Variants in PXDNL observed in about 807,000 individuals in gnomAD.
PXDNL encodes probable oxidoreductase PXDNL.
PXDNL carries 145 observed loss-of-function variants against 150.8 expected under a neutral mutation model. That is an observed-to-expected ratio of 0.96 (90% confidence interval 0.84 to 1.10). The LOEUF is 1.10. PXDNL is among the 50% of genes least tolerant of loss of function. PXDNL has a pLI of 0.00. For missense variants in PXDNL, 2,087 were observed against 1,873.9 expected, an observed-to-expected ratio of 1.11 and a Z score of -2.10; for synonymous variants, 757 against 725.7, an observed-to-expected ratio of 1.04 and a Z score of -0.69.
At chr8:51,391,490 A>C (rs1055740707) in intron 17 of PXDNL, among the ~76,000 whole-genome samples, 67 of 152,226 alleles carry the variant, frequency 4.4e-4, no homozygotes, top group African/African-American at 1.5e-3. Context: ...CTCTGATGGC[A>C]AGTGATGGTG....
chr8:51,380,910 T>A (rs1172433944), intron 17 of PXDNL, among the ~76,000 whole-genome samples: 1 of 152,188 alleles, frequency 6.6e-6, no homozygotes, highest in African/African-American at 2.4e-5. Context: ...TTCTTTTTAA[T>A]CGGCTTATGT....
intron 19 of PXDNL, among the ~76,000 whole-genome samples, chr8:51,366,373 G>A (rs561414858): frequency 5.3e-5 from 8 of 152,274 alleles, no homozygotes; most frequent in East Asian, 3.9e-4. Context: ...TCTGTTTTCC[G>A]TACATTGCTT....
Position 51,436,007 on chromosome 8 carries a change from C to G in PXDNL, c.1526-9249G>C, listed in dbSNP as rs149244168. The G allele has an allele frequency of 3.6e-3, 1,892 of 527,956 alleles. 33 individuals are homozygous for G. The highest frequency in any genetic ancestry group is 0.021 in the South Asian group (1,477 of 71,040). 32.7% of individuals were successfully genotyped at this position (527,956 alleles called of 1,614,324 possible). A position where few individuals can be genotyped will look rare whatever the true frequency, so the allele number is the denominator to read the frequency against. ...CTCTTTATGTAGCTTTCAAATTCAC[C>G]TCATGGACCATCTGCTAAATTCCTT... On this transcript the variant is annotated intron_variant, in intron 12 of 22. Coordinates refer to ENST00000356297, the MANE Select transcript of PXDNL (RefSeq NM_144651.5).
At chr8:51,673,248 A>G (rs55927765) in intron 1 of PXDNL, among the ~76,000 whole-genome samples, 8,505 of 152,270 alleles carry the variant, frequency 0.056, 310 homozygotes, top group Middle Eastern at 0.085. Flanking sequence ...ATCAAGCCAG[A>G]GTTCAATTAC....
At chr8:51,578,603 T>C (rs1055710541) in intron 3 of PXDNL, among the ~76,000 whole-genome samples, 3 of 151,978 alleles carry the variant, frequency 2.0e-5, no homozygotes, top group Non-Finnish European at 4.4e-5. Flanking sequence ...AAGACTTTTG[T>C]ACATGTAGAC....
At chr8:51,472,586 T>TTC (rs1190307647) in intron 7 of PXDNL, among the ~76,000 whole-genome samples, 17 of 152,270 alleles carry the variant, frequency 1.1e-4, no homozygotes, top group African/African-American at 4.1e-4. Flanking sequence ...ACAACCATAT[T>TTC]TATGGAAGGA....
At chr8:51,564,316 G>C (rs1203109610) in intron 3 of PXDNL, among the ~76,000 whole-genome samples, 1 of 151,820 alleles carries the variant, frequency 6.6e-6, no homozygotes, top group Non-Finnish European at 1.5e-5. Context: ...ACTATTTGTG[G>C]GTTAGAAAAA....
At chr8:51,604,852 CAG>C (rs1311474799) in intron 2 of PXDNL, among the ~76,000 whole-genome samples, 1 of 152,024 alleles carries the variant, frequency 6.6e-6, no homozygotes, top group African/African-American at 2.4e-5. Flanking sequence ...AATATCTCGT[CAG>C]AGTTTGTATA....
chr8:51,781,822 C>T (rs1239624983), intron 1 of PXDNL, among the ~76,000 whole-genome samples: 1 of 152,164 alleles, frequency 6.6e-6, no homozygotes, highest in Non-Finnish European at 1.5e-5. Context: ...CCTCTGATGT[C>T]ATAATCCAAT....
chr8:51,519,832 G>C (rs7818450), intron 4 of PXDNL, among the ~76,000 whole-genome samples: 25,750 of 152,150 alleles, frequency 0.17, 2,357 homozygotes, highest in African/African-American at 0.23. Context: ...CAAGTTCAAC[G>C]AAAAGAAAAT....
intron 4 of PXDNL, among the ~76,000 whole-genome samples, chr8:51,501,562 A>G (rs984881005): frequency 1.3e-5 from 2 of 151,728 alleles, no homozygotes; most frequent in Non-Finnish European, 2.9e-5. Context: ...CATCACACTC[A>G]GATACACATC....
Position 51,767,819 on chromosome 8 carries a change from T to C in PXDNL, c.164+41362A>G, listed in dbSNP as rs547965967. Among the ~76,000 whole-genome samples, 143 of 152,354 alleles carry C rather than the reference T, an allele frequency of 9.4e-4. No homozygotes were observed. The Middle Eastern group carries it at 0.01, about 11-fold the overall frequency. ...AACTTGTATCACTGCCAGGGCAACTTTGATATATTAAACAATTGCTGCTGA... is the reference window on the plus strand; with the variant it reads ...AACTTGTATCACTGCCAGGGCAACTCTGATATATTAAACAATTGCTGCTGA... On this transcript the variant is annotated intron_variant, in intron 1 of 22. Transcript: ENST00000356297.
At chr8:51,557,077 T>C (rs1812615922) in intron 3 of PXDNL, among the ~76,000 whole-genome samples, 166 bp from the exon 4 acceptor site, 1 of 152,170 alleles carries the variant, frequency 6.6e-6, no homozygotes, top group African/African-American at 2.4e-5. Flanking sequence ...ATGTGTTCAA[T>C]TGGTAAGAGT....
intron 10 of PXDNL, among the ~76,000 whole-genome samples, chr8:51,452,833 A>G (rs1809834592): frequency 6.6e-6 from 1 of 152,152 alleles, no homozygotes; most frequent in African/African-American, 2.4e-5. Flanking sequence ...GACCTTTGAT[A>G]TGACTCCAAT....
intron 1 of PXDNL, among the ~76,000 whole-genome samples, chr8:51,668,426 C>T (rs113825922): frequency 2.6e-5 from 4 of 152,006 alleles, no homozygotes; most frequent in African/African-American, 4.8e-5. Context: ...CCAGCTGCCT[C>T]GGCCTCCCAA....
chr8:51,676,101 A>G (rs1815616170), intron 1 of PXDNL, among the ~76,000 whole-genome samples: 1 of 152,204 alleles, frequency 6.6e-6, no homozygotes, highest in Non-Finnish European at 1.5e-5. Context: ...ATAGATGGTA[A>G]GTCCTCAGTA....
chr8:51,775,379 T>G (rs978037213), intron 1 of PXDNL, among the ~76,000 whole-genome samples: 1 of 152,228 alleles, frequency 6.6e-6, no homozygotes, highest in African/African-American at 2.4e-5. Context: ...CTCGTTATAT[T>G]GCCATTCCAA....
chr8:51,748,612 T>G (rs931831846), intron 1 of PXDNL, among the ~76,000 whole-genome samples: 10 of 152,068 alleles, frequency 6.6e-5, no homozygotes, highest in Non-Finnish European at 1.3e-4. Flanking sequence ...GGCATGGGGG[T>G]GAAGCAGGAG....
At chr8:51,534,316 G>C (rs1222616023) in intron 4 of PXDNL, among the ~76,000 whole-genome samples, 1 of 146,722 alleles carries the variant, frequency 6.8e-6, no homozygotes, top group Admixed American at 6.6e-5. Flanking sequence ...AGTGAGGAGC[G>C]TCTACGCCCG....
Sources: allele counts gnomAD v4.1 joint callset (sites outside exome capture counted in the v4.1 genomes callset), GRCh38; gene constraint gnomAD v4.1.1; transcripts MANE v1.5; gene names NCBI Gene and HGNC (gene_info 2026-07-23, HGNC 2026-07-21).